PPRC1: variants seen among roughly 807,000 people sequenced by gnomAD.
The protein encoded by PPRC1 is peroxisome proliferator-activated receptor gamma coactivator-related protein 1.
PPRC1 carries 23 observed loss-of-function variants against 132.5 expected under a neutral mutation model. The ratio of observed to expected loss-of-function variants is 0.17; its 90% CI spans 0.12 to 0.25. The LOEUF is 0.25. PPRC1 is among the 10% of genes least tolerant of loss of function. The pLI is 1.00. For synonymous variants in PPRC1, 872 were observed against 833.5 expected (o/e 1.05, Z -0.80); for missense variants, 2,006 against 2,089.1 (o/e 0.96, Z 0.78).
chr10:102,145,184 C>CAT, intron 8 of PPRC1, 94 bp downstream of exon 8: 1 of 1,199,046 alleles, frequency 8.3e-7, no homozygotes. Context: ...GCGTTAAGGA[C>CAT]ATAGAGATCT....
At chr10:102,126,765 G>C in the PPRC1 span, among the ~76,000 whole-genome samples, 1 of 151,914 alleles carries the variant, frequency 6.6e-6, no homozygotes, top group African/African-American at 2.4e-5. Context: ...AGCCGCAGCC[G>C]TGAACTGTAA....
chr10:102,120,497 C>T, the PPRC1 span: 1 of 487,532 alleles, frequency 2.1e-6, no homozygotes, highest in African/African-American at 2.1e-5. Context: ...CAGCCCAAGC[C>T]GGGCAGGGCC....
the PPRC1 span, chr10:102,120,471 G>T: frequency 9.6e-6 from 8 of 835,264 alleles, no homozygotes; most frequent in East Asian, 7.4e-4. Context: ...GCTCCCTCGC[G>T]CCGGCGCCGG....
intron 7 of PPRC1, 180 bp from the exon 8 acceptor site, chr10:102,144,840 T>G (rs2069150102): frequency 1.7e-6 from 1 of 605,670 alleles, no homozygotes; most frequent in East Asian, 2.8e-5. Context: ...AGGGCTCAGT[T>G]GAGATCCAAT....
chr10:102,149,729 CA>C (rs34550400), intron 13 of PPRC1, among the ~76,000 whole-genome samples, 196 bp from the exon 14 acceptor site: 53,243 of 110,472 alleles, frequency 0.48, 11,478 homozygotes, highest in East Asian at 0.66. Flanking sequence ...GAGACTGTCT[CA>C]AAAAAAAAAA....
At chr10:102,136,717 G>C (rs897268629) in intron 1 of PPRC1, among the ~76,000 whole-genome samples, 4 of 152,046 alleles carry the variant, frequency 2.6e-5, no homozygotes, top group African/African-American at 7.3e-5. Context: ...TGTGGTTTCA[G>C]GCATCTACTG....
rs765334096 is a variant in PPRC1, at chr10:102,146,824, C to T, written c.3832C>T (p.Arg1278Cys). ...VTEAKHPAAV[R>C]LQEGVHGPSR... ...GGAGGCCAAACATCCAGCTGCAGTT[C>T]GCCTCCAAGAAGGGGTCCATGGCCC... is the stretch of plus-strand genomic sequence containing the variant. Residue 1278 changes from arginine to cysteine, a missense_variant, in exon 9 of 14, where the codon CGC becomes TGC. Transcript: ENST00000278070. 6.8e-6 allele frequency: 11 copies of T among 1,613,948 alleles called. No homozygotes were observed. The highest frequency in any genetic ancestry group is 2.2e-5 in the East Asian group (1 of 44,878).
At position 102,140,490 on chromosome 10, in the gene PPRC1, C is replaced by G; in HGVS notation, c.1982C>G (p.Ser661Cys). 6.2e-7 allele frequency: 1 copy of G among 1,614,188 alleles called. No individual in the cohort carries two copies. The highest frequency in any genetic ancestry group is 8.5e-7 in the Non-Finnish European group (1 of 1,180,012). ...TTGCCACCAGTTGATGCTGTCCCGTCTGGCCCAGCACCAGTTGATCTAGCA... is the reference window on the plus strand; with the variant it reads ...TTGCCACCAGTTGATGCTGTCCCGTGTGGCCCAGCACCAGTTGATCTAGCA... ...DNLPPVDAVP[S>C]GPAPVDLALV... The change falls in exon 5 of 14, where the codon TCT (serine) becomes TGT (cysteine). Residue 661 changes from serine (S) to cysteine (C), a missense_variant. Coordinates refer to ENST00000278070, the MANE Select transcript of PPRC1 (RefSeq NM_015062.5).
chr10:102,138,113 G>A (rs1189178090), intron 2 of PPRC1, 75 bp downstream of exon 2: 2 of 1,459,746 alleles, frequency 1.4e-6, no homozygotes, highest in Non-Finnish European at 1.9e-6. Flanking sequence ...TTCTTGGCAT[G>A]GCTCTGCTCT....
In PPRC1 at chr10:102,148,329, C is replaced by T. The variant is rs1326777033; in HGVS notation, c.4401-43C>T. On this transcript the variant is annotated intron_variant, in intron 9 of 13. Coordinates refer to ENST00000278070, the MANE Select transcript of PPRC1 (RefSeq NM_015062.5). The surrounding 1 kb of genome is among the most constrained non-coding windows in gnomAD (Gnocchi z 4.2). ...CCTGGGTGAGATAAGCAGAGTATAC[C>T]TGAACCACTCCCAGCATTCCTGCAT... 5 of 1,601,702 alleles carry T rather than the reference C, an allele frequency of 3.1e-6. No individual in the cohort carries two copies. The African/African-American group carries it at 6.7e-5, about 21-fold the overall frequency.
At position 102,147,218 on chromosome 10, in the gene PPRC1, G is replaced by T; in HGVS notation, c.4226G>T (p.Cys1409Phe). 6.2e-7 allele frequency: 1 copy of T among 1,613,430 alleles called. No individual in the cohort carries two copies. Among genetic ancestry groups the T allele is most frequent in the Non-Finnish European group, 8.5e-7 (1 of 1,180,044 alleles). The change falls in exon 9 of 14, where the codon TGC (cysteine) becomes TTC (phenylalanine). Residue 1409 changes from cysteine (C) to phenylalanine (F), a missense_variant. Cys to Phe is a radical substitution (Grantham distance 205). Transcript: ENST00000278070. The stretch of plus-strand genomic sequence containing the variant: ...TCAATGCGCTGTTACCGAAAAGCCT[G>T]CAGGTCAGCCAGCCCCTCAAGCCAG... ...QRSMRCYRKA[C>F]RSASPSSQGW...
intron 1 of PPRC1, 93 bp downstream of exon 1, chr10:102,133,314 G>A (rs1590310822): frequency 3.6e-6 from 4 of 1,109,990 alleles, no homozygotes; most frequent in African/African-American, 1.6e-5. Flanking sequence ...GGAAGCGCCT[G>A]AGAGTCGATG....
upstream of PPRC1, among the ~76,000 whole-genome samples, chr10:102,128,145 CTT>C (rs879722797): frequency 6.3e-5 from 9 of 143,806 alleles, no homozygotes; most frequent in Non-Finnish European, 6.1e-5. Context: ...GCTGCTGCTG[CTT>C]TTTTTTTTTT....
At position 102,148,774 on chromosome 10, in the gene PPRC1, C is replaced by T; in HGVS notation, c.4618-43C>T. On this transcript the variant is annotated intron_variant, in intron 11 of 13. Transcript: ENST00000278070. This position sits in a 1 kb window ranked among gnomAD's most constrained non-coding sequence, Gnocchi z 4.2. ...TCAGAGAGCTGCCTGCAGCTGTAGC[C>T]CTGGCTAATGGTGTGTTGATTTTTT... 1 of 1,614,112 alleles carries T rather than the reference C, an allele frequency of 6.2e-7. No individual in the cohort carries two copies. The highest frequency in any genetic ancestry group is 8.5e-7 in the Non-Finnish European group (1 of 1,180,000).
Position 102,148,365 on chromosome 10 carries a change from C to A in PPRC1, c.4401-7C>A, listed in dbSNP as rs371231801. On this transcript the variant is annotated splice_polypyrimidine_tract_variant and splice_region_variant and intron_variant, in intron 9 of 13. Coordinates refer to ENST00000278070, the MANE Select transcript of PPRC1 (RefSeq NM_015062.5). This position sits in a 1 kb window ranked among gnomAD's most constrained non-coding sequence, Gnocchi z 4.2. ...CCAGCATTCCTGCATGCCCTCTTAT[C>A]CTTCAGGTCCAGCTGTAGTTCCTCT... The A allele has an allele frequency of 6.2e-7, 1 of 1,612,386 alleles. No individual in the cohort carries two copies. Among genetic ancestry groups the A allele is most frequent in the African/African-American group, 1.3e-5 (1 of 74,868 alleles).
At chr10:102,122,659 T>C in the PPRC1 span, among the ~76,000 whole-genome samples, 1 of 152,010 alleles carries the variant, frequency 6.6e-6, no homozygotes, top group African/African-American at 2.4e-5. Context: ...ACTAGCTTGG[T>C]CAGATTCCAT....
upstream of PPRC1, among the ~76,000 whole-genome samples, chr10:102,131,933 C>A (rs1381240647): frequency 1.3e-5 from 2 of 152,168 alleles, no homozygotes; most frequent in Non-Finnish European, 2.9e-5. Flanking sequence ...GCTGGGACTA[C>A]AAGTGTGAGT....
chr10:102,133,974 G>C (rs1211907040), intron 1 of PPRC1, among the ~76,000 whole-genome samples: 3 of 151,960 alleles, frequency 2.0e-5, no homozygotes, highest in Non-Finnish European at 4.4e-5. Flanking sequence ...TGTTCCCTGC[G>C]GATGGCTGAG....
At chr10:102,142,497 C>A (rs1286619060) in intron 5 of PPRC1, among the ~76,000 whole-genome samples, 5 of 144,944 alleles carry the variant, frequency 3.4e-5, no homozygotes, top group African/African-American at 1.3e-4. Context: ...CGGCTCACCG[C>A]AACCTCCGCC....
Sources: gnomAD v4.1 joint callset for allele counts (sites outside exome capture counted in the v4.1 genomes callset) on GRCh38, gnomAD v4.1.1 for gene constraint, Gnocchi (gnomAD v3.1) non-coding constraint, MANE v1.5 for transcripts, NCBI Gene and HGNC (gene_info 2026-07-23, HGNC 2026-07-21) for gene names.